RIN2: variants seen among roughly 807,000 people sequenced by gnomAD.
RIN2 encodes Ras and Rab interactor 2.
Under a neutral mutation model 78.0 loss-of-function variants are expected in RIN2, and 36 were observed. The ratio of observed to expected loss-of-function variants is 0.46; its 90% CI spans 0.35 to 0.61. RIN2 has a LOEUF of 0.61. Ranked by LOEUF, RIN2 falls within the 20% of genes least tolerant of loss-of-function variation. RIN2 has a pLI of 0.00. For missense variants in RIN2, 1,087 were observed against 1,159.7 expected (o/e 0.94, Z 0.91); for synonymous variants, 466 against 466.8 (o/e 1.00, Z 0.02).
At chr20:19,893,087 A>C (rs1192663188) in intron 3 of RIN2, among the ~76,000 whole-genome samples, 1 of 152,226 alleles carries the variant, frequency 6.6e-6, no homozygotes, top group Non-Finnish European at 1.5e-5. Flanking sequence ...ATGTTTTAAA[A>C]ATGCTTCATG....
At chr20:19,896,533 C>T (rs559781376) in intron 3 of RIN2, among the ~76,000 whole-genome samples, 40 of 152,310 alleles carry the variant, frequency 2.6e-4, no homozygotes, top group South Asian at 1.7e-3. Context: ...TGTGAGTAGA[C>T]GGAACATCAC....
intron 1 of RIN2, among the ~76,000 whole-genome samples, chr20:19,797,099 C>T (rs1274218682): frequency 6.6e-6 from 1 of 152,128 alleles, no homozygotes; most frequent in Non-Finnish European, 1.5e-5. Context: ...GCTGCCATTC[C>T]ACTCAGTAAG....
chr20:19,843,596 A>G (rs1472135901), intron 2 of RIN2, among the ~76,000 whole-genome samples: 1 of 152,210 alleles, frequency 6.6e-6, no homozygotes, highest in Non-Finnish European at 1.5e-5. Context: ...TCTAAACATA[A>G]CTTCTACATG....
intron 3 of RIN2, among the ~76,000 whole-genome samples, chr20:19,899,660 G>A (rs1243455987): frequency 6.6e-6 from 1 of 152,120 alleles, no homozygotes; most frequent in African/African-American, 2.4e-5. Context: ...AAACTAACTT[G>A]GCAGGTCTCG....
intron 2 of RIN2, among the ~76,000 whole-genome samples, chr20:19,824,224 G>T (rs6081756): frequency 6.6e-6 from 1 of 151,972 alleles, no homozygotes; most frequent in African/African-American, 2.4e-5. Flanking sequence ...AGCTTCCCAC[G>T]CAGTTTGCTA....
chr20:19,996,633 A>G (rs2042976416), intron 11 of RIN2, 46 bp from the exon 12 acceptor site: 3 of 1,603,468 alleles, frequency 1.9e-6, no homozygotes, highest in Non-Finnish European at 2.6e-6. Context: ...ATCACCCGTG[A>G]GCGGAGGTTG....
intron 1 of RIN2, among the ~76,000 whole-genome samples, chr20:19,767,439 C>T (rs1300242962): frequency 2.0e-5 from 3 of 152,062 alleles, no homozygotes; most frequent in Non-Finnish European, 4.4e-5. Flanking sequence ...GTGGCTGGCT[C>T]TGGGGAAAAG....
rs973133890 is a variant in RIN2, at chr20:19,935,585, A to T, written c.158+386A>T. ...GCTTACAGGGGAGCAGCTAAAGAGGATGGACTCATTTTGCATTCTCAGGTC... is the reference window on the plus strand; with the variant it reads ...GCTTACAGGGGAGCAGCTAAAGAGGTTGGACTCATTTTGCATTCTCAGGTC... On this transcript the variant is annotated intron_variant, in intron 4 of 12. Coordinates refer to ENST00000255006, the MANE Select transcript of RIN2 (RefSeq NM_018993.4). 7.0e-6 allele frequency: 7 copies of T among 1,001,964 alleles called. No individual in the cohort carries two copies. The African/African-American group carries it at 1.2e-4, about 17-fold the overall frequency. 62.1% of individuals were successfully genotyped at this position (1,001,964 alleles called of 1,614,324 possible).
chr20:19,956,257 C>CAAAAAAAAAAAAAAAAAA (rs11483774), intron 4 of RIN2, among the ~76,000 whole-genome samples: 1 of 50,740 alleles, frequency 2.0e-5, no homozygotes, highest in African/African-American at 7.7e-5. Flanking sequence ...GACTCCATCT[C>CAAAAAAAAAAAAAAAAAA]AAAAAAAAAA....
intron 2 of RIN2, among the ~76,000 whole-genome samples, chr20:19,851,976 G>A (rs1260456902): frequency 6.6e-6 from 1 of 152,124 alleles, no homozygotes; most frequent in Non-Finnish European, 1.5e-5. Context: ...AGGCTTGGCT[G>A]CAAGTCGTGG....
intron 1 of RIN2, among the ~76,000 whole-genome samples, chr20:19,793,301 T>C (rs2034946634): frequency 6.6e-6 from 1 of 152,212 alleles, no homozygotes. Context: ...GAGCATATTT[T>C]CTACTTACAA....
chr20:19,998,041 C>T (rs57538270), intron 12 of RIN2, among the ~76,000 whole-genome samples: 5 of 151,108 alleles, frequency 3.3e-5, no homozygotes, highest in South Asian at 2.1e-4. Flanking sequence ...AGTGGTGGCA[C>T]GATCTCTGCT....
chr20:19,965,660 G>A (rs2003714), intron 7 of RIN2, among the ~76,000 whole-genome samples: 22,549 of 152,190 alleles, frequency 0.15, 1,859 homozygotes, highest in East Asian at 0.3. Flanking sequence ...CACCCAGGCT[G>A]GAGAGCAGTG....
chr20:19,974,385 A>G (rs1282456032), intron 8 of RIN2, among the ~76,000 whole-genome samples: 1 of 152,168 alleles, frequency 6.6e-6, no homozygotes, highest in Non-Finnish European at 1.5e-5. Context: ...ACCTGTGAAA[A>G]GGCAGGGCTG....
rs2146258282 is a variant in RIN2, at chr20:19,960,785, A to C, written c.437A>C (p.Glu146Ala). The C allele has an allele frequency of 1.9e-6, 3 of 1,599,470 alleles. No homozygotes were observed. ...LPCEFGAPLK[E>A]FAIKESTYTF... ...TGTGAATTTGGGGCCCCACTCAAGG[A>C]ATTTGCCATAAAGGAAAGCACATAC... Residue 146 changes from glutamate to alanine, a missense_variant, in exon 6 of 13, where the codon GAA (glutamate) becomes GCA (alanine). Around this residue, in one of 8 missense-constraint regions of RIN2, gnomAD observed 706 missense variants for 667.5 expected, o/e 1.06. Transcript: ENST00000255006.
intron 3 of RIN2, among the ~76,000 whole-genome samples, chr20:19,904,299 G>A (rs942771977): frequency 6.7e-6 from 1 of 149,800 alleles, no homozygotes. Context: ...ATAAAAAAAT[G>A]TGTAGCACAC....
At chr20:19,788,877 C>T (rs1322127739) in intron 1 of RIN2, among the ~76,000 whole-genome samples, 1 of 152,118 alleles carries the variant, frequency 6.6e-6, no homozygotes, top group Non-Finnish European at 1.5e-5. Context: ...TCAAATAAGT[C>T]CTAGCAGAAT....
chr20:19,967,025 G>A (rs1430854587), intron 7 of RIN2, among the ~76,000 whole-genome samples: 1 of 152,190 alleles, frequency 6.6e-6, no homozygotes, highest in South Asian at 2.1e-4. Context: ...TTGGCCAGGG[G>A]TGAAGCCAGC....
At chr20:19,764,919 T>TTTTTTTTTTTTTTTTTTTTC (rs2033811551) in intron 1 of RIN2, among the ~76,000 whole-genome samples, 1 of 30,614 alleles carries the variant, frequency 3.3e-5, no homozygotes, top group Non-Finnish European at 6.1e-5. Context: ...ACTTTCTGCG[T>TTTTTTTTTTTTTTTTTTTTC]TTTTTTTTTT....
Sources: allele counts gnomAD v4.1 joint callset (sites outside exome capture counted in the v4.1 genomes callset), GRCh38; gene constraint gnomAD v4.1.1; regional missense constraint gnomAD v4.1.1; transcripts MANE v1.5; gene names NCBI Gene and HGNC (gene_info 2026-07-23, HGNC 2026-07-21).